The following ZGPAT variants were observed in gnomAD, a reference collection of about 807,000 sequenced individuals.
ZGPAT encodes zinc finger CCCH-type with G patch domain-containing protein.
A neutral mutation model predicts 47.9 loss-of-function variants in ZGPAT; 39 were observed. The observed-to-expected ratio is 0.81, with a 90% CI of 0.63 to 1.06. The LOEUF is 1.06. ZGPAT is among the 50% of genes least tolerant of loss of function. The pLI is 0.00. For synonymous variants in ZGPAT, 348 were observed against 292.9 expected, an observed-to-expected ratio of 1.19 and a Z score of -1.92; for missense variants, 717 against 681.4, an observed-to-expected ratio of 1.05 and a Z score of -0.58.
intron 2 of ZGPAT, among the ~76,000 whole-genome samples, chr20:63,722,052 C>T (rs1309732492): frequency 4.6e-5 from 7 of 151,904 alleles, no homozygotes; most frequent in African/African-American, 1.7e-4. Context: ...AACAGCACGA[C>T]CCTGGAGGCT....
chr20:63,725,020 T>G (rs1234065385), intron 2 of ZGPAT, among the ~76,000 whole-genome samples: 1 of 150,772 alleles, frequency 6.6e-6, no homozygotes, highest in Non-Finnish European at 1.5e-5. Flanking sequence ...GTCTCGCTCT[T>G]GTTTCCCAGG....
chr20:63,712,584 C>A (rs990725208), intron 2 of ZGPAT, among the ~76,000 whole-genome samples: 25 of 145,500 alleles, frequency 1.7e-4, no homozygotes, highest in African/African-American at 6.3e-4. Flanking sequence ...GTTTGGGGCA[C>A]ATTGTCATCT....
At chr20:63,715,651 G>A (rs2091720227) in intron 2 of ZGPAT, among the ~76,000 whole-genome samples, 1 of 152,220 alleles carries the variant, frequency 6.6e-6, no homozygotes, top group South Asian at 2.1e-4. Context: ...AGGGATATTG[G>A]TCTGTAGTTT....
intron 2 of ZGPAT, among the ~76,000 whole-genome samples, chr20:63,711,771 A>G (rs966824568): frequency 4.6e-5 from 7 of 152,056 alleles, no homozygotes; most frequent in Non-Finnish European, 7.4e-5. Flanking sequence ...TATTTTTAGT[A>G]GAGGCAGGGT....
intron 2 of ZGPAT, among the ~76,000 whole-genome samples, chr20:63,732,693 CAT>C (rs2091927817): frequency 1.4e-5 from 2 of 138,082 alleles, no homozygotes; most frequent in Admixed American, 1.4e-4. Context: ...TGTGTGTATG[CAT>C]GTGTATACAT....
In ZGPAT at chr20:63,733,322, G is replaced by C; in HGVS notation, c.688G>C (p.Asp230His). ...AGSACLAKHQDGLWHAARITD... is the reference protein window; with the variant it reads ...AGSACLAKHQHGLWHAARITD... ...CTCTGCGTGTCTGGCCAAGCACCAG[G>C]ATGGCCTCTGGCACGCAGCACGCAT... is the stretch of plus-strand genomic sequence containing the variant. The change falls in exon 3 of 7, where the codon GAT becomes CAT. Residue 230 changes from aspartate to histidine, a missense_variant. By Grantham distance (81) the Asp-to-His change is moderately conservative (BLOSUM62 -1). Coordinates refer to ENST00000355969, the MANE Select transcript of ZGPAT (RefSeq NM_181485.3). 6.2e-7 allele frequency: 1 copy of C among 1,612,960 alleles called. No homozygotes were observed. Among genetic ancestry groups the C allele is most frequent in the Middle Eastern group, 1.7e-4 (1 of 6,012 alleles).
At chr20:63,731,826 G>A (rs574714003) in intron 2 of ZGPAT, among the ~76,000 whole-genome samples, 1 of 152,326 alleles carries the variant, frequency 6.6e-6, no homozygotes, top group South Asian at 2.1e-4. Flanking sequence ...GGAAGAAAAG[G>A]ATGGCTGCGT....
In ZGPAT at chr20:63,708,537, G is replaced by T; in HGVS notation, c.-28-16G>T. On this transcript the variant is annotated splice_polypyrimidine_tract_variant and intron_variant, in intron 1 of 6. Transcript: ENST00000355969. ...GGTCCCGAGACGCGGGGCTCAGCTGGCTTCTCTTCTTGCAGCCCTGGTCCA... is the reference window on the plus strand; with the variant it reads ...GGTCCCGAGACGCGGGGCTCAGCTGTCTTCTCTTCTTGCAGCCCTGGTCCA... 6.5e-7 allele frequency: 1 copy of T among 1,529,592 alleles called. No homozygotes were observed. The highest frequency in any genetic ancestry group is 8.8e-7 in the Non-Finnish European group (1 of 1,134,084). The allele number at this position is 1,529,592 out of a possible 1,614,324, so 94.8% of individuals were successfully genotyped here.
intron 4 of ZGPAT, chr20:63,734,497 C>T: frequency 1.0e-6 from 1 of 971,798 alleles, no homozygotes; most frequent in Non-Finnish European, 1.5e-6. Flanking sequence ...GTCACATGCC[C>T]ACAGCAGCCT....
chr20:63,712,981 AT>A (rs933404437), intron 2 of ZGPAT, among the ~76,000 whole-genome samples: 1 of 152,138 alleles, frequency 6.6e-6, no homozygotes, highest in African/African-American at 2.4e-5. Context: ...TACGTCTTTA[AT>A]TTCTTTCAAC....
In ZGPAT at chr20:63,708,570, CCT is replaced by C. The variant is rs1185936026; in HGVS notation, c.-5_-4del. The C allele has an allele frequency of 1.9e-6, 3 of 1,575,972 alleles. No homozygotes were observed. The highest frequency in any genetic ancestry group is 1.8e-5 in the Admixed American group (1 of 56,292). On this transcript the variant is annotated 5_prime_UTR_variant, in exon 2 of 7. Transcript: ENST00000355969. ...TCTTGCAGCCCTGGTCCAGCGCCTCCCTCTCTCAGCATGGACGAGGAGAGCCT... is the reference window on the plus strand; with the variant it reads ...TCTTGCAGCCCTGGTCCAGCGCCTCCCTCTCAGCATGGACGAGGAGAGCCT...
At chr20:63,716,061 G>T (rs748330217) in intron 2 of ZGPAT, among the ~76,000 whole-genome samples, 2 of 152,064 alleles carry the variant, frequency 1.3e-5, no homozygotes, top group Admixed American at 1.3e-4. Flanking sequence ...GTTTGGTCTC[G>T]CTCTGTCGCC....
intron 4 of ZGPAT, 200 bp downstream of exon 4, chr20:63,733,939 C>A: frequency 1.6e-6 from 1 of 642,076 alleles, no homozygotes; most frequent in Non-Finnish European, 2.6e-6. Context: ...GTGGGTGCAA[C>A]AGCTACAGTC....
chr20:63,732,615 CTGTGTATG>C (rs1322577155), intron 2 of ZGPAT, among the ~76,000 whole-genome samples: 2 of 151,832 alleles, frequency 1.3e-5, no homozygotes, highest in African/African-American at 2.4e-5. Flanking sequence ...GTCAGGGTCT[CTGTGTATG>C]TGTATGACGT....
intron 2 of ZGPAT, among the ~76,000 whole-genome samples, chr20:63,725,663 GGA>G (rs954979214): frequency 6.7e-6 from 1 of 150,138 alleles, no homozygotes; most frequent in Non-Finnish European, 1.5e-5. Context: ...TACCAAATTT[GGA>G]GAGTTTTTAC....
At chr20:63,735,113 C>T in intron 5 of ZGPAT, 46 bp from the exon 6 acceptor site, 3 of 1,477,358 alleles carry the variant, frequency 2.0e-6, no homozygotes, top group Non-Finnish European at 2.7e-6. Context: ...TCCTCAGATT[C>T]CCGGGGTCCC....
intron 2 of ZGPAT, among the ~76,000 whole-genome samples, chr20:63,729,040 T>TC (rs1307011380): frequency 6.6e-6 from 1 of 151,194 alleles, no homozygotes; most frequent in Non-Finnish European, 1.5e-5. Flanking sequence ...TTTTCTTTTT[T>TC]TTTTTTTTTG....
At chr20:63,726,641 G>C (rs559342485) in intron 2 of ZGPAT, among the ~76,000 whole-genome samples, 1 of 151,956 alleles carries the variant, frequency 6.6e-6, no homozygotes, top group African/African-American at 2.4e-5. Context: ...TTATGCCTCA[G>C]CCTCCCCAGT....
In ZGPAT at chr20:63,735,450, G is replaced by A; in HGVS notation, c.1283G>A (p.Ser428Asn). The A allele has an allele frequency of 6.4e-7, 1 of 1,568,908 alleles. No homozygotes were observed. The highest frequency in any genetic ancestry group is 2.0e-5 in the Admixed American group (1 of 50,820). The change falls in exon 6 of 7, where the codon AGC (serine) becomes AAC (asparagine). Residue 428 changes from serine (S) to asparagine (N), a missense_variant. Coordinates refer to ENST00000355969, the MANE Select transcript of ZGPAT (RefSeq NM_181485.3). ...AGGAGCAAGGACATGTACCATGCCA[G>A]CAAGAGTGCCAAGCGGGCCCTGAGC... is the stretch of plus-strand genomic sequence containing the variant. ...GRRSKDMYHA[S>N]KSAKRALSLR... is the part of the protein sequence containing the mutation.
Sources: allele counts gnomAD v4.1 joint callset (sites outside exome capture counted in the v4.1 genomes callset), GRCh38; gene constraint gnomAD v4.1.1; transcripts MANE v1.5; gene names NCBI Gene and HGNC (gene_info 2026-07-23, HGNC 2026-07-21).